DMD: variants seen among roughly 807,000 people sequenced by gnomAD.
DMD encodes the protein mutant dystrophin.
In DMD, 63 loss-of-function variants were observed where a neutral mutation model predicts 330.1. The ratio of observed to expected loss-of-function variants is 0.19; its 90% CI spans 0.16 to 0.24. The LOEUF (loss-of-function observed/expected upper bound fraction) is 0.24, where lower values mean the gene tolerates loss of function less well. Ranked by LOEUF, DMD falls within the 10% of genes least tolerant of loss-of-function variation. The probability of loss-of-function intolerance (pLI) is 1.00; values close to 1 mark genes in which losing one functional copy is unlikely to be tolerated. For synonymous variants in DMD, 1,223 were observed against 959.8 expected (o/e 1.27, Z -5.07); for missense variants, 3,344 against 2,684.1 (o/e 1.25, Z -5.43).
At chrX:31,974,582 T>G (rs1249850094) in intron 44 of DMD, among the ~76,000 whole-genome samples, 1 of 110,257 alleles carries the variant, frequency 9.1e-6, no homozygotes, top group Admixed American at 9.7e-5. Context: ...CAAATGTGTG[T>G]GTTCATTTGT....
At chrX:32,369,755 CCT>C (rs1215828610) in intron 34 of DMD, among the ~76,000 whole-genome samples, 3 of 110,838 alleles carry the variant, frequency 2.7e-5, no homozygotes, top group Non-Finnish European at 5.7e-5. Context: ...TTTTCCACCC[CCT>C]CTTTTTAAAC....
intron 44 of DMD, among the ~76,000 whole-genome samples, chrX:32,168,086 C>A (rs1460356082): frequency 8.9e-6 from 1 of 112,315 alleles, no homozygotes; most frequent in East Asian, 2.8e-4. Flanking sequence ...CCTGCCCCAT[C>A]TCTGAAGACC....
At chrX:32,144,111 T>A (rs1429397859) in intron 44 of DMD, among the ~76,000 whole-genome samples, 3 of 111,825 alleles carry the variant, frequency 2.7e-5, no homozygotes, top group Non-Finnish European at 5.6e-5. Flanking sequence ...ATCTAGAAAT[T>A]CCTAAGGCAA....
chrX:33,246,992 C>T (rs1375094940), intron 1 of DMD, among the ~76,000 whole-genome samples: 3 of 111,725 alleles, frequency 2.7e-5, no homozygotes, highest in East Asian at 2.8e-4. Context: ...CCAATTATCT[C>T]GGTCTTCAAA....
At chrX:32,376,711 CA>C (rs762756855) in intron 34 of DMD, among the ~76,000 whole-genome samples, 1,415 of 108,852 alleles carry the variant, frequency 0.013, 27 homozygotes, top group African/African-American at 0.045. Context: ...ATAGAGAATC[CA>C]ATTTTTTTTT....
intron 7 of DMD, among the ~76,000 whole-genome samples, chrX:32,703,220 TAAG>T (rs1479267484): frequency 2.7e-5 from 3 of 111,834 alleles, no homozygotes; most frequent in African/African-American, 3.3e-5. Context: ...CCGCAAAACC[TAAG>T]AATACGCTCC....
rs567972628 is a variant in DMD at position 33,040,740 on chromosome X, C to A, written c.32-20540G>T. 1.6e-3 allele frequency among the ~76,000 whole-genome samples: 176 copies of A among 111,599 alleles called. 4 individuals carry two copies. The highest frequency in any genetic ancestry group is 0.013 in the Admixed American group (139 of 10,482). ...CTATTTCCAAGATTAAACATATTTA[C>A]CTCATTCTCTATTTTTCTTCTATAC... is the stretch of plus-strand genomic sequence containing the variant. On this transcript the variant is annotated intron_variant, in intron 1 of 78. Coordinates refer to ENST00000357033, the MANE Select transcript of DMD (RefSeq NM_004006.3).
At chrX:31,752,021 A>G (rs1382412886) in intron 51 of DMD, among the ~76,000 whole-genome samples, 1 of 111,583 alleles carries the variant, frequency 9.0e-6, no homozygotes, top group African/African-American at 3.3e-5. Flanking sequence ...CTTCAATGCC[A>G]GTAGTGTAGC....
intron 59 of DMD, among the ~76,000 whole-genome samples, chrX:31,468,401 T>A (rs79771897): frequency 8.9e-6 from 1 of 112,400 alleles, no homozygotes; most frequent in Non-Finnish European, 1.9e-5. Flanking sequence ...AACTTATTCA[T>A]TTCTGCCTTA....
At chrX:32,054,240 C>T (rs1055159655) in intron 44 of DMD, among the ~76,000 whole-genome samples, 4 of 107,084 alleles carry the variant, frequency 3.7e-5, no homozygotes, top group Non-Finnish European at 7.7e-5. Context: ...ATGTGCACAA[C>T]GTGCAGGTTT....
chrX:32,698,973 T>TG (rs1569468750), intron 8 of DMD, 139 bp downstream of exon 8: 33 of 536,988 alleles, frequency 6.1e-5, no homozygotes, highest in Non-Finnish European at 2.4e-5. Context: ...TGTCTCTTTT[T>TG]GTACATATAC....
chrX:33,046,492 T>G (rs950068958), intron 1 of DMD, among the ~76,000 whole-genome samples: 1 of 111,875 alleles, frequency 8.9e-6, no homozygotes, highest in Non-Finnish European at 1.9e-5. Flanking sequence ...ATAACAGGTT[T>G]CAAATCTTAT....
intron 41 of DMD, among the ~76,000 whole-genome samples, chrX:32,333,075 T>A (rs1380780103): frequency 1.8e-5 from 2 of 111,906 alleles, no homozygotes; most frequent in Non-Finnish European, 3.8e-5. Flanking sequence ...GTAAACTGGA[T>A]GAAAAACTTA....
chrX:31,810,953 C>T (rs779669991), intron 50 of DMD, among the ~76,000 whole-genome samples: 4 of 111,721 alleles, frequency 3.6e-5, no homozygotes, highest in Non-Finnish European at 5.6e-5. Context: ...AGTAAGTTTA[C>T]TGTAATTAAC....
In DMD at chrX:31,634,335, G is replaced by A. The variant is rs756343756; in HGVS notation, c.8028-6473C>T. 2.7e-5 allele frequency among the ~76,000 whole-genome samples: 3 copies of A among 111,661 alleles called. No homozygotes were observed. In the Admixed American group the frequency reaches 2.9e-4, roughly 11 times the overall value. ...GGTACTAAATTACTCAAACTCTCCAGAGTTAATTGGAAACCATGACCTAAA... is the reference window on the plus strand; with the variant it reads ...GGTACTAAATTACTCAAACTCTCCAAAGTTAATTGGAAACCATGACCTAAA... On this transcript the variant is annotated intron_variant, in intron 54 of 78. Transcript: ENST00000357033.
intron 19 of DMD, among the ~76,000 whole-genome samples, chrX:32,493,482 T>A (rs1025697422): frequency 8.9e-6 from 1 of 112,070 alleles, no homozygotes; most frequent in Non-Finnish European, 1.9e-5. Flanking sequence ...AGGAGCTACA[T>A]ATTCTAATAT....
At chrX:32,177,612 T>TTC (rs1557193270) in intron 44 of DMD, among the ~76,000 whole-genome samples, 4 of 109,027 alleles carry the variant, frequency 3.7e-5, no homozygotes, top group Non-Finnish European at 7.6e-5. Context: ...TGGTTCCCCT[T>TTC]TCTCTCTCTC....
intron 13 of DMD, among the ~76,000 whole-genome samples, chrX:32,591,189 A>G (rs995154485): frequency 1.3e-4 from 14 of 111,662 alleles, no homozygotes; most frequent in African/African-American, 4.6e-4. Context: ...TAATTCTCCA[A>G]AATATTAGGC....
chrX:32,755,180 G>A (rs1321795861), intron 7 of DMD, among the ~76,000 whole-genome samples: 2 of 110,581 alleles, frequency 1.8e-5, no homozygotes, highest in East Asian at 5.7e-4. Context: ...ATAACATAAT[G>A]AGGAGAGCTC....
Sources: allele counts gnomAD v4.1 joint callset (sites outside exome capture counted in the v4.1 genomes callset), GRCh38; gene constraint gnomAD v4.1.1; transcripts MANE v1.5; gene names NCBI Gene and HGNC (gene_info 2026-07-23, HGNC 2026-07-21).